Variants in ABHD16B observed in about 807,000 individuals in gnomAD.
ABHD16B encodes abhydrolase domain containing 16B.
Under a neutral mutation model 10.5 loss-of-function variants are expected in ABHD16B, and 14 were observed. The ratio of observed to expected loss-of-function variants is 1.33; its 90% confidence interval spans 0.88 to 2.08. The LOEUF is 2.08. Ranked by LOEUF, ABHD16B falls within the 30% of genes most tolerant of loss-of-function variation. ABHD16B has a pLI of 0.00. For synonymous variants in ABHD16B, 374 were observed against 337.9 expected, an observed-to-expected ratio of 1.11 and a Z score of -1.17; for missense variants, 763 against 717.4, an observed-to-expected ratio of 1.06 and a Z score of -0.73.
Position 63,861,528 on chromosome 20 carries a change from A to G in ABHD16B, c.-13A>G, listed in dbSNP as rs1164013917. 5 of 1,542,536 alleles carry G rather than the reference A, an allele frequency of 3.2e-6. No homozygotes were observed. The highest frequency in any genetic ancestry group is 3.5e-6 in the Non-Finnish European group (4 of 1,147,240). On this transcript the variant is annotated 5_prime_UTR_variant, in exon 1 of 1. Transcript: ENST00000369916. The surrounding 1 kb of genome is among the most constrained non-coding windows in gnomAD (Gnocchi z 5.4). ...GATCCCGGCCCAGCGGCTGGGCGTT[A>G]GGGCCACCGCTCATGTGCGTCATCT...
In ABHD16B at chr20:63,862,263, G is replaced by C. The variant is rs1262907542; in HGVS notation, c.723G>C (p.Leu241=). The C allele has an allele frequency of 6.2e-7, 1 of 1,612,018 alleles. No individual in the cohort carries two copies. Among genetic ancestry groups the C allele is most frequent in the African/African-American group, 1.3e-5 (1 of 74,900 alleles). ...GCCTGCACTTCCCGCCCGCGCACCT[G>C]GTGGTCTACGGCTGGTCTGTTGGCG... ...LHRLHFPPAH[L]VVYGWSVGGF... is the part of the protein sequence containing the mutation. Residue 241 remains leucine, a synonymous_variant, in exon 1 of 1, where the codon CTG becomes CTC. Transcript: ENST00000369916. This position sits in a 1 kb window ranked among gnomAD's most constrained non-coding sequence, Gnocchi z 7.5.
rs918756050 is a variant in ABHD16B at position 63,861,691 on chromosome 20, A to G, written c.151A>G (p.Thr51Ala). ...CCGGAGCAGCAGCCACCGGGCGCTGACCTGCGCGGCAGCCGCGGCGGGCGT... is the reference window on the plus strand; with the variant it reads ...CCGGAGCAGCAGCCACCGGGCGCTGGCCTGCGCGGCAGCCGCGGCGGGCGT... ...VGRSSSHRALTCAAAAAGVWL... is the reference protein window; with the variant it reads ...VGRSSSHRALACAAAAAGVWL... The change falls in exon 1 of 1, where the codon ACC (threonine) becomes GCC (alanine). Residue 51 changes from threonine (T) to alanine (A), a missense_variant. Thr to Ala is a moderately conservative substitution (Grantham distance 58, BLOSUM62 0). Coordinates refer to ENST00000369916, the MANE Select transcript of ABHD16B (RefSeq NM_080622.4). The surrounding 1 kb of genome is among the most constrained non-coding windows in gnomAD (Gnocchi z 5.4). 57 of 1,507,144 alleles carry G rather than the reference A, an allele frequency of 3.8e-5. No homozygotes were observed. Among genetic ancestry groups the G allele is most frequent in the Non-Finnish European group, 4.7e-5 (53 of 1,133,352 alleles). The allele number at this position is 1,507,144 out of a possible 1,614,324, so 93.4% of individuals were successfully genotyped here.
chr20:63,861,967 G>C lies in ABHD16B; in HGVS notation c.427G>C (p.Ala143Pro), dbSNP rs767559594. The part of the protein sequence containing the change: ...RLVERYHGRR[A>P]KLVACDGNEI... The stretch of plus-strand genomic sequence containing the variant: ...CGTGGAGCGCTACCACGGCCGGCGC[G>C]CCAAGCTGGTGGCCTGTGACGGCAA... Residue 143 changes from alanine to proline, a missense_variant, in exon 1 of 1, where the codon GCC becomes CCC. Ala to Pro is a conservative substitution (Grantham distance 27). Transcript: ENST00000369916. The surrounding 1 kb of genome is among the most constrained non-coding windows in gnomAD (Gnocchi z 5.4). The C allele has an allele frequency of 6.3e-7, 1 of 1,599,226 alleles. No homozygotes were observed. The highest frequency in any genetic ancestry group is 1.7e-5 in the Admixed American group (1 of 59,796).
At position 63,862,483 on chromosome 20, in the gene ABHD16B, C is replaced by G. The variant is rs1435612837; in HGVS notation, c.943C>G (p.Leu315Val). The G allele has an allele frequency of 6.4e-7, 1 of 1,564,782 alleles. No homozygotes were observed. The highest frequency in any genetic ancestry group is 1.8e-5 in the Admixed American group (1 of 54,278). ...EQLCCYPGPV[L>V]LLRRTQDDVV... ...GCTGTGCTGCTACCCGGGGCCGGTG[C>G]TGCTGCTCCGACGCACGCAGGATGA... The change falls in exon 1 of 1, where the codon CTG (leucine) becomes GTG (valine). Residue 315 changes from leucine (L) to valine (V), a missense_variant. Physicochemically the swap from Leu to Val is conservative, Grantham distance 32. Coordinates refer to ENST00000369916, the MANE Select transcript of ABHD16B (RefSeq NM_080622.4). The surrounding 1 kb of genome is among the most constrained non-coding windows in gnomAD (Gnocchi z 7.5).
At position 63,861,923 on chromosome 20, in the gene ABHD16B, A is replaced by C; in HGVS notation, c.383A>C (p.Gln128Pro). The change falls in exon 1 of 1, where the codon CAG (glutamine) becomes CCG (proline). Residue 128 changes from glutamine to proline, a missense_variant. Physicochemically the swap from Gln to Pro is moderately conservative, Grantham distance 76 (BLOSUM62 -1). Transcript: ENST00000369916. This position sits in a 1 kb window ranked among gnomAD's most constrained non-coding sequence, Gnocchi z 5.4. ...LMTRALLPLL[Q>P]QGQERLVERY... ...ACGCGCGCGCTGCTGCCGCTGCTGC[A>C]GCAGGGCCAAGAGCGCCTCGTGGAG... 3 of 1,591,634 alleles carry C rather than the reference A, an allele frequency of 1.9e-6. No homozygotes were observed. The highest frequency in any genetic ancestry group is 2.2e-5 in the South Asian group (2 of 90,738).
rs753969126 is a variant in ABHD16B, at chr20:63,862,193, A to ACGACGC, written c.655_660dup (p.Asp219_Ala220dup). The ACGACGC allele has an allele frequency of 6.2e-7, 1 of 1,611,148 alleles. No homozygotes were observed. The highest frequency in any genetic ancestry group is 8.5e-7 in the Non-Finnish European group (1 of 1,179,638). On this transcript the variant is annotated inframe_insertion, in exon 1 of 1. Coordinates refer to ENST00000369916, the MANE Select transcript of ABHD16B (RefSeq NM_080622.4). The surrounding 1 kb of genome is among the most constrained non-coding windows in gnomAD (Gnocchi z 7.5). ...AGCACTGGCGTGCCCTTCCCTCAGC[A>ACGACGC]CGACGCCAACGCCATGGACGTGGTG...
In ABHD16B at chr20:63,862,362, C is replaced by T. The variant is rs764259079; in HGVS notation, c.822C>T (p.Asp274=). The change falls in exon 1 of 1, where the codon GAC becomes GAT. Residue 274 remains aspartate (D), a synonymous_variant. Coordinates refer to ENST00000369916, the MANE Select transcript of ABHD16B (RefSeq NM_080622.4). This position sits in a 1 kb window ranked among gnomAD's most constrained non-coding sequence, Gnocchi z 7.5. The part of the protein sequence containing the change: ...GALVLDATFD[D]LVPLALKVMP... ...TGGTGCTGGACGCCACCTTCGACGA[C>T]CTTGTGCCGCTGGCGCTGAAGGTCA... is the stretch of plus-strand genomic sequence containing the variant. 1 of 1,611,178 alleles carries T rather than the reference C, an allele frequency of 6.2e-7. No homozygotes were observed. The highest frequency in any genetic ancestry group is 1.7e-5 in the Admixed American group (1 of 59,890).
rs747989637 is a variant in ABHD16B, at chr20:63,862,859, T to C, written c.1319T>C (p.Leu440Pro). The change falls in exon 1 of 1, where the codon CTG becomes CCG. Residue 440 changes from leucine (L) to proline (P), a missense_variant. Leu to Pro is a moderately conservative substitution (Grantham distance 98). Coordinates refer to ENST00000369916, the MANE Select transcript of ABHD16B (RefSeq NM_080622.4). The surrounding 1 kb of genome is among the most constrained non-coding windows in gnomAD (Gnocchi z 7.5). ...TCGCGGCGGCGCCGGCGCCTCGCAC[T>C]GTTCCTGGCTCGGAAGCACCTCAAG... ...LSSRRRRRLA[L>P]FLARKHLKNV... The C allele has an allele frequency of 1.3e-6, 2 of 1,538,890 alleles. No homozygotes were observed. Among genetic ancestry groups the C allele is most frequent in the South Asian group, 1.2e-5 (1 of 83,890 alleles).
At position 63,862,177 on chromosome 20, in the gene ABHD16B, G is replaced by T; in HGVS notation, c.637G>T (p.Val213Leu). 6.2e-7 allele frequency: 1 copy of T among 1,611,370 alleles called. No homozygotes were observed. Among genetic ancestry groups the T allele is most frequent in the Non-Finnish European group, 8.5e-7 (1 of 1,179,682 alleles). Residue 213 changes from valine (V) to leucine (L), a missense_variant, in exon 1 of 1, where the codon GTG becomes TTG. By Grantham distance (32) the Val-to-Leu change is conservative (BLOSUM62 1). Transcript: ENST00000369916. This position sits in a 1 kb window ranked among gnomAD's most constrained non-coding sequence, Gnocchi z 7.5. ...NHPGFGSSTG[V>L]PFPQHDANAM... is the part of the protein sequence containing the mutation. ...CCCCGGCTTCGGCAGCAGCACTGGCGTGCCCTTCCCTCAGCACGACGCCAA... is the reference window on the plus strand; with the variant it reads ...CCCCGGCTTCGGCAGCAGCACTGGCTTGCCCTTCCCTCAGCACGACGCCAA...
In ABHD16B at chr20:63,862,818, G is replaced by A. The variant is rs368738845; in HGVS notation, c.1278G>A (p.Val426=). 37 of 1,534,986 alleles carry A rather than the reference G, an allele frequency of 2.4e-5. No individual in the cohort carries two copies. In the African/African-American group the frequency reaches 4.8e-4, roughly 20 times the overall value. The change falls in exon 1 of 1, where the codon GTG becomes GTA. Residue 426 remains valine, a synonymous_variant. Transcript: ENST00000369916. The surrounding 1 kb of genome is among the most constrained non-coding windows in gnomAD (Gnocchi z 7.5). ...ACGGACCCGCCTTCCCATGGCTGGT[G>A]GGCCAGGGCCTGAGCTCGCGGCGGC... is the stretch of plus-strand genomic sequence containing the variant. The part of the protein sequence containing the change: ...GPHGPAFPWL[V]GQGLSSRRRR...
In ABHD16B at chr20:63,862,032, G is replaced by C. The variant is rs1442232682; in HGVS notation, c.492G>C (p.Pro164=). The change falls in exon 1 of 1, where the codon CCG becomes CCC. Residue 164 remains proline, a synonymous_variant. Transcript: ENST00000369916. This position sits in a 1 kb window ranked among gnomAD's most constrained non-coding sequence, Gnocchi z 7.5. ...DTMFMDRRQH[P]GSHVHGPRLV... is the part of the protein sequence containing the mutation. ...TGTTCATGGACCGCCGCCAGCACCC[G>C]GGCAGCCACGTGCACGGGCCGCGCC... 13 of 1,608,362 alleles carry C rather than the reference G, an allele frequency of 8.1e-6. No homozygotes were observed. The highest frequency in any genetic ancestry group is 1.3e-5 in the African/African-American group (1 of 74,610).
rs949820288 is a variant in ABHD16B, at chr20:63,862,845, C to G, written c.1305C>G (p.Arg435=). ...LVGQGLSSRR[R]RRLALFLARK... ...GCCAGGGCCTGAGCTCGCGGCGGCGCCGGCGCCTCGCACTGTTCCTGGCTC... is the reference window on the plus strand; with the variant it reads ...GCCAGGGCCTGAGCTCGCGGCGGCGGCGGCGCCTCGCACTGTTCCTGGCTC... Residue 435 remains arginine, a synonymous_variant, in exon 1 of 1, where the codon CGC becomes CGG. Coordinates refer to ENST00000369916, the MANE Select transcript of ABHD16B (RefSeq NM_080622.4). The surrounding 1 kb of genome is among the most constrained non-coding windows in gnomAD (Gnocchi z 7.5). The G allele has an allele frequency of 1.2e-5, 18 of 1,535,962 alleles. No homozygotes were observed. The African/African-American group carries it at 1.9e-4, about 16-fold the overall frequency.
Position 63,862,069 on chromosome 20 carries a change from T to C in ABHD16B, c.529T>C (p.Cys177Arg). Residue 177 changes from cysteine to arginine, a missense_variant, in exon 1 of 1, where the codon TGC becomes CGC. Transcript: ENST00000369916. The surrounding 1 kb of genome is among the most constrained non-coding windows in gnomAD (Gnocchi z 7.5). Reference sequence around the variant, plus strand: ...GCACGGGCCGCGCCTCGTCATCTGCTGCGAAGGCAACGCGGGCTTCTACGA... The same window carrying C: ...GCACGGGCCGCGCCTCGTCATCTGCCGCGAAGGCAACGCGGGCTTCTACGA... ...HVHGPRLVICCEGNAGFYEMG... is the reference protein window; with the variant it reads ...HVHGPRLVICREGNAGFYEMG... 6.2e-7 allele frequency: 1 copy of C among 1,611,006 alleles called. No homozygotes were observed. Among genetic ancestry groups the C allele is most frequent in the Non-Finnish European group, 8.5e-7 (1 of 1,179,574 alleles).
rs922431236 is a variant in ABHD16B, at chr20:63,862,499, C to T, written c.959C>T (p.Thr320Met). The T allele has an allele frequency of 3.8e-6, 6 of 1,565,628 alleles. No homozygotes were observed. The highest frequency in any genetic ancestry group is 5.2e-6 in the Non-Finnish European group (6 of 1,161,392). The change falls in exon 1 of 1, where the codon ACG (threonine) becomes ATG (methionine). Residue 320 changes from threonine to methionine, a missense_variant. Thr to Met is a moderately conservative substitution (Grantham distance 81). Transcript: ENST00000369916. This position sits in a 1 kb window ranked among gnomAD's most constrained non-coding sequence, Gnocchi z 7.5. ...YPGPVLLLRR[T>M]QDDVVSTSGR... The stretch of plus-strand genomic sequence containing the variant: ...GGGCCGGTGCTGCTGCTCCGACGCA[C>T]GCAGGATGACGTGGTCAGCACTTCG...
rs1422011062 is a variant in ABHD16B, at chr20:63,862,794, C to T, written c.1254C>T (p.His418=). The part of the protein sequence containing the change: ...ELEGEEALGP[H]GPAFPWLVGQ... Reference sequence around the variant, plus strand: ...AGGGCGAGGAGGCCCTGGGGCCACACGGACCCGCCTTCCCATGGCTGGTGG... The same window carrying T: ...AGGGCGAGGAGGCCCTGGGGCCACATGGACCCGCCTTCCCATGGCTGGTGG... Residue 418 remains histidine (H), a synonymous_variant, in exon 1 of 1, where the codon CAC becomes CAT. Coordinates refer to ENST00000369916, the MANE Select transcript of ABHD16B (RefSeq NM_080622.4). This position sits in a 1 kb window ranked among gnomAD's most constrained non-coding sequence, Gnocchi z 7.5. 3 of 1,534,006 alleles carry T rather than the reference C, an allele frequency of 2.0e-6. No homozygotes were observed. Among genetic ancestry groups the T allele is most frequent in the Admixed American group, 4.0e-5 (2 of 50,606 alleles).
rs1203613390 is a variant in ABHD16B, at chr20:63,862,709, A to G, written c.1169A>G (p.Asp390Gly). The G allele has an allele frequency of 6.5e-7, 1 of 1,532,256 alleles. No individual in the cohort carries two copies. The highest frequency in any genetic ancestry group is 2.0e-5 in the Admixed American group (1 of 50,358). The allele number at this position is 1,532,256 out of a possible 1,614,324, so 94.9% of individuals were successfully genotyped here. Residue 390 changes from aspartate to glycine, a missense_variant, in exon 1 of 1, where the codon GAC becomes GGC. By Grantham distance (94) the Asp-to-Gly change is moderately conservative (BLOSUM62 -1). Coordinates refer to ENST00000369916, the MANE Select transcript of ABHD16B (RefSeq NM_080622.4). The surrounding 1 kb of genome is among the most constrained non-coding windows in gnomAD (Gnocchi z 7.5). ...EAAFYARYRV[D>G]EDWCLALLRS... ...GCCTTCTATGCACGCTACCGCGTGG[A>G]CGAGGACTGGTGCCTGGCGCTGCTG...
Position 63,861,970 on chromosome 20 carries a change from A to T in ABHD16B, c.430A>T (p.Lys144Ter). 8.2e-6 allele frequency: 13 copies of T among 1,593,960 alleles called. No homozygotes were observed. Among genetic ancestry groups the T allele is most frequent in the Non-Finnish European group, 1.1e-5 (13 of 1,176,326 alleles). The part of the protein sequence containing the change: ...LVERYHGRRA[K>*]LVACDGNEID... ...GGAGCGCTACCACGGCCGGCGCGCC[A>T]AGCTGGTGGCCTGTGACGGCAACGA... The change falls in exon 1 of 1, where the codon AAG (lysine) becomes TAG (stop). Residue 144 changes from lysine to a stop codon, truncating the protein, a stop_gained. Transcript: ENST00000369916. LOFTEE classifies it high-confidence loss of function. This position sits in a 1 kb window ranked among gnomAD's most constrained non-coding sequence, Gnocchi z 5.4.
chr20:63,861,987 C>G lies in ABHD16B; in HGVS notation c.447C>G (p.Asp149Glu), dbSNP rs764669489. 1.9e-6 allele frequency: 3 copies of G among 1,595,320 alleles called. No homozygotes were observed. The highest frequency in any genetic ancestry group is 2.5e-6 in the Non-Finnish European group (3 of 1,176,540). ...HGRRAKLVAC[D>E]GNEIDTMFMD... ...GGCGCGCCAAGCTGGTGGCCTGTGA[C>G]GGCAACGAGATCGACACTATGTTCA... is the stretch of plus-strand genomic sequence containing the variant. The change falls in exon 1 of 1, where the codon GAC becomes GAG. Residue 149 changes from aspartate to glutamate, a missense_variant. By Grantham distance (45) the Asp-to-Glu change is conservative. Transcript: ENST00000369916. This position sits in a 1 kb window ranked among gnomAD's most constrained non-coding sequence, Gnocchi z 5.4.
rs1381405858 is a variant in ABHD16B at position 63,862,399 on chromosome 20, T to G, written c.859T>G (p.Trp287Gly). 1 of 1,599,354 alleles carries G rather than the reference T, an allele frequency of 6.3e-7. No individual in the cohort carries two copies. The highest frequency in any genetic ancestry group is 8.5e-7 in the Non-Finnish European group (1 of 1,174,694). Reference sequence around the variant, plus strand: ...GGCGCTGAAGGTCATGCCCCACAGTTGGAAGGGGCTGGTGGTGCGCACCGT... The same window carrying G: ...GGCGCTGAAGGTCATGCCCCACAGTGGGAAGGGGCTGGTGGTGCGCACCGT... ...PLALKVMPHS[W>G]KGLVVRTVRE... The change falls in exon 1 of 1, where the codon TGG (tryptophan) becomes GGG (glycine). Residue 287 changes from tryptophan to glycine, a missense_variant. Trp to Gly is a radical substitution (Grantham distance 184). Coordinates refer to ENST00000369916, the MANE Select transcript of ABHD16B (RefSeq NM_080622.4). This position sits in a 1 kb window ranked among gnomAD's most constrained non-coding sequence, Gnocchi z 7.5.
Sources: allele counts gnomAD v4.1 joint callset, GRCh38; gene constraint gnomAD v4.1.1; non-coding constraint Gnocchi (gnomAD v3.1); transcripts MANE v1.5; gene names NCBI Gene and HGNC (gene_info 2026-07-23, HGNC 2026-07-21).